CTNNA1: variants seen among roughly 807,000 people sequenced by gnomAD.
The protein encoded by CTNNA1 is catenin alpha-1.
CTNNA1 carries 37 observed loss-of-function variants against 98.4 expected under a neutral mutation model. That is an observed-to-expected ratio of 0.38 (90% confidence interval 0.29 to 0.49). CTNNA1 has a LOEUF of 0.49. Ranked by LOEUF, CTNNA1 falls within the 20% of genes least tolerant of loss-of-function variation. CTNNA1 has a pLI of 0.95. For missense variants in CTNNA1, 761 were observed against 1,147.2 expected, an observed-to-expected ratio of 0.66 and a Z score of 4.86; for synonymous variants, 404 against 413.2, an observed-to-expected ratio of 0.98 and a Z score of 0.27.
intron 3 of CTNNA1, among the ~76,000 whole-genome samples, chr5:138,799,627 T>C (rs1159898397): frequency 1.4e-5 from 2 of 140,898 alleles, no homozygotes; most frequent in Non-Finnish European, 3.0e-5. Flanking sequence ...TTAGTGTCAT[T>C]TTTTTTTTTT....
intron 7 of CTNNA1, among the ~76,000 whole-genome samples, chr5:138,867,649 C>G (rs1452362530): frequency 6.6e-6 from 1 of 152,148 alleles, no homozygotes; most frequent in Non-Finnish European, 1.5e-5. Context: ...TCCTTCTCGG[C>G]CTACTCAATG....
intron 3 of CTNNA1, among the ~76,000 whole-genome samples, chr5:138,796,381 A>G (rs947907206): frequency 2.4e-5 from 2 of 85,042 alleles, no homozygotes; most frequent in African/African-American, 3.2e-5. Context: ...CATCTCTACT[A>G]AAAATACAAA....
At chr5:138,765,458 A>G (rs961172453) in intron 1 of CTNNA1, among the ~76,000 whole-genome samples, 1 of 152,170 alleles carries the variant, frequency 6.6e-6, no homozygotes, top group Non-Finnish European at 1.5e-5. Flanking sequence ...CTGGGATTAT[A>G]GGTGAGAGCC....
intron 7 of CTNNA1, among the ~76,000 whole-genome samples, chr5:138,884,523 A>G (rs1753604060): frequency 6.6e-6 from 1 of 152,248 alleles, no homozygotes; most frequent in Non-Finnish European, 1.5e-5. Flanking sequence ...TTAATATTTC[A>G]GATAAATACA....
At position 138,812,165 on chromosome 5, in the gene CTNNA1, GTCTT is replaced by G. The variant is rs754001909; in HGVS notation, c.469-13_469-10del. On this transcript the variant is annotated splice_polypyrimidine_tract_variant and intron_variant, in intron 4 of 17. Coordinates refer to ENST00000302763, the MANE Select transcript of CTNNA1 (RefSeq NM_001903.5). ...ACATTCAGAATTTTTGGGTTTTGGG[GTCTT>G]TCTTATTTTATAGGTGGAAGATGGT... 6.8e-6 allele frequency: 11 copies of G among 1,607,232 alleles called. No individual in the cohort carries two copies. The highest frequency in any genetic ancestry group is 1.3e-5 in the African/African-American group (1 of 74,396).
Position 138,827,527 on chromosome 5 carries a change from G to A in CTNNA1, c.871G>A (p.Val291Met). ...ALNNFDKQII[V>M]DPLSFSEERF... is the part of the protein sequence containing the mutation. ...ACTTTCTCTGCAGAAACAAATCATT[G>A]TGGACCCCTTGAGCTTCAGCGAGGA... is the stretch of plus-strand genomic sequence containing the variant. Residue 291 changes from valine to methionine, a missense_variant, in exon 7 of 18, where the codon GTG (valine) becomes ATG (methionine). This residue lies in a region of CTNNA1 where 328 missense variants were observed against 354.3 expected (regional missense o/e 0.93). Transcript: ENST00000302763. 2 of 1,614,216 alleles carry A rather than the reference G, an allele frequency of 1.2e-6. No individual in the cohort carries two copies. Among genetic ancestry groups the A allele is most frequent in the Non-Finnish European group, 1.7e-6 (2 of 1,180,028 alleles).
rs552815501 is a variant in CTNNA1 at position 138,887,676 on chromosome 5, C to A, written c.1296+34C>A. The stretch of plus-strand genomic sequence containing the variant: ...ATTAGCAGTTTCATTGACTTGTAGG[C>A]AACTTGGTGAAGTGTGGTGAGTTTT... On this transcript the variant is annotated intron_variant, in intron 9 of 17. Transcript: ENST00000302763. 9 of 1,581,508 alleles carry A rather than the reference C, an allele frequency of 5.7e-6. No individual in the cohort carries two copies. The East Asian group carries it at 2.0e-4, about 36-fold the overall frequency.
In CTNNA1 at chr5:138,907,956, C is replaced by T. The variant is rs1239382170; in HGVS notation, c.1389+3515C>T. On this transcript the variant is annotated intron_variant, in intron 10 of 17. Coordinates refer to ENST00000302763, the MANE Select transcript of CTNNA1 (RefSeq NM_001903.5). ...CATTAGAGGAGTTTTCATCCCCATG[C>T]CCCCCATCCGCCCTTTTTTTTTTCT... Among the ~76,000 whole-genome samples the T allele has an allele frequency of 3.3e-5, 5 of 151,454 alleles. No individual in the cohort carries two copies. In the East Asian group the frequency reaches 7.7e-4, roughly 23 times the overall value.
At chr5:138,855,432 A>G (rs1271842608) in intron 7 of CTNNA1, among the ~76,000 whole-genome samples, 1 of 152,272 alleles carries the variant, frequency 6.6e-6, no homozygotes, top group African/African-American at 2.4e-5. Flanking sequence ...GGAAACTGCA[A>G]AGTTACCAGC....
intron 1 of CTNNA1, among the ~76,000 whole-genome samples, chr5:138,775,633 G>GT (rs1174060415): frequency 1.4e-5 from 2 of 147,148 alleles, no homozygotes; most frequent in Non-Finnish European, 3.0e-5. Flanking sequence ...TTGTCTCAAT[G>GT]TTTTTCCCTT....
At chr5:138,849,805 C>T (rs1763030621) in intron 7 of CTNNA1, among the ~76,000 whole-genome samples, 1 of 152,076 alleles carries the variant, frequency 6.6e-6, no homozygotes, top group Non-Finnish European at 1.5e-5. Flanking sequence ...AGTTGCATTT[C>T]CTTATACCTG....
rs780087547 is a variant in CTNNA1 at position 138,881,046 on chromosome 5, A to T, written c.1063-5166A>T. On this transcript the variant is annotated intron_variant, in intron 7 of 17. Transcript: ENST00000302763. ...CTTACTCTGTACGGTTTATAGCAGCATGTCAGCATTCCGTCTGCAGTTGAG... is the reference window on the plus strand; with the variant it reads ...CTTACTCTGTACGGTTTATAGCAGCTTGTCAGCATTCCGTCTGCAGTTGAG... The T allele has an allele frequency of 1.8e-5, 8 of 456,186 alleles. 1 individual carries two copies. Among genetic ancestry groups the T allele is most frequent in the Admixed American group, 1.2e-4 (5 of 42,562 alleles). 28.3% of individuals were successfully genotyped at this position (456,186 alleles called of 1,614,324 possible). A position where few individuals can be genotyped will look rare whatever the true frequency, so the allele number is the denominator to read the frequency against.
chr5:138,799,828 G>A (rs1163843128), intron 3 of CTNNA1, among the ~76,000 whole-genome samples: 1 of 151,912 alleles, frequency 6.6e-6, no homozygotes, highest in African/African-American at 2.4e-5. Flanking sequence ...CATTAGGGCT[G>A]TGAGCTAAAA....
At position 138,873,583 on chromosome 5, in the gene CTNNA1, C is replaced by CA; in HGVS notation, c.1063-12628dup. 6.2e-7 allele frequency: 1 copy of CA among 1,613,954 alleles called. No homozygotes were observed. Among genetic ancestry groups the CA allele is most frequent in the Non-Finnish European group, 8.5e-7 (1 of 1,179,884 alleles). On this transcript the variant is annotated intron_variant, in intron 7 of 17. Coordinates refer to ENST00000302763, the MANE Select transcript of CTNNA1 (RefSeq NM_001903.5). The surrounding 1 kb of genome is among the most constrained non-coding windows in gnomAD (Gnocchi z 6.1). The stretch of plus-strand genomic sequence containing the variant: ...GTTCCCACCGACCTTGGAAACTGCC[C>CA]AGCCAGGAGGCCAGAGCACATATTC...
At chr5:138,834,595 T>C (rs1196650802) in intron 7 of CTNNA1, among the ~76,000 whole-genome samples, 2 of 152,178 alleles carry the variant, frequency 1.3e-5, no homozygotes, top group Non-Finnish European at 2.9e-5. Flanking sequence ...TTGTACATCG[T>C]CCCAAGTTAA....
intron 9 of CTNNA1, among the ~76,000 whole-genome samples, chr5:138,902,454 C>G (rs749382137): frequency 3.3e-5 from 5 of 152,254 alleles, no homozygotes; most frequent in Non-Finnish European, 5.9e-5. Flanking sequence ...GAGTCTCGCT[C>G]TGTCGCCCAG....
intron 7 of CTNNA1, among the ~76,000 whole-genome samples, chr5:138,830,367 C>A (rs898750986): frequency 2.6e-5 from 4 of 152,052 alleles, no homozygotes; most frequent in African/African-American, 9.7e-5. Flanking sequence ...GTCTCAAAAA[C>A]AAAAAAGCAC....
intron 3 of CTNNA1, among the ~76,000 whole-genome samples, chr5:138,799,625 A>ATT (rs11386305): frequency 1.2e-4 from 17 of 142,166 alleles, no homozygotes; most frequent in African/African-American, 3.6e-4. Context: ...TCTTAGTGTC[A>ATT]TTTTTTTTTT....
At position 138,826,454 on chromosome 5, in the gene CTNNA1, C is replaced by T. The variant is rs187893784; in HGVS notation, c.859-1061C>T. 2.0e-5 allele frequency among the ~76,000 whole-genome samples: 3 copies of T among 152,152 alleles called. No homozygotes were observed. In the East Asian group the frequency reaches 5.8e-4, roughly 29 times the overall value. On this transcript the variant is annotated intron_variant, in intron 6 of 17. Coordinates refer to ENST00000302763, the MANE Select transcript of CTNNA1 (RefSeq NM_001903.5). ...TGTCTTGAGGATGCCGATGTTTCAC[C>T]TTGTACCTATAGCTTACTTGTGACC...
Sources: gnomAD v4.1 joint callset for allele counts (sites outside exome capture counted in the v4.1 genomes callset) on GRCh38, gnomAD v4.1.1 for gene constraint, gnomAD v4.1.1 regional missense constraint, Gnocchi (gnomAD v3.1) non-coding constraint, MANE v1.5 for transcripts, NCBI Gene and HGNC (gene_info 2026-07-23, HGNC 2026-07-21) for gene names.